MEPE: variants seen among roughly 807,000 people sequenced by gnomAD.
MEPE encodes the protein matrix, extracellular phosphoglycoprotein with ASARM motif (bone).
In MEPE, 7 loss-of-function variants were observed where a neutral mutation model predicts 7.3. The ratio of observed to expected loss-of-function variants is 0.95; its 90% CI spans 0.54 to 1.79. MEPE has a LOEUF of 1.79. Ranked by LOEUF, MEPE falls within the 40% of genes most tolerant of loss-of-function variation. The pLI, the probability that MEPE is intolerant of heterozygous loss-of-function variation, is 0.00. For synonymous variants in MEPE, 214 were observed against 213.1 expected, an observed-to-expected ratio of 1.00 and a Z score of -0.04; for missense variants, 623 against 628.2, an observed-to-expected ratio of 0.99 and a Z score of 0.09.
At chr4:87,827,424 C>A (rs1269538803) in intron 1 of MEPE, among the ~76,000 whole-genome samples, 1 of 152,098 alleles carries the variant, frequency 6.6e-6, no homozygotes, top group Non-Finnish European at 1.5e-5. Context: ...TAAGCTAAGA[C>A]GATATACACC....
chr4:87,831,844 T>C (rs1722607396), upstream of MEPE, among the ~76,000 whole-genome samples: 1 of 152,116 alleles, frequency 6.6e-6, no homozygotes, highest in African/African-American at 2.4e-5. Context: ...ATTTTTCTTA[T>C]TTCTTCTTCC....
chr4:87,843,992 T>C (rs1339638866), intron 3 of MEPE, among the ~76,000 whole-genome samples: 2 of 152,344 alleles, frequency 1.3e-5, no homozygotes, highest in East Asian at 3.9e-4. Flanking sequence ...AGGATTCACT[T>C]AGTATAGTCT....
intron 3 of MEPE, chr4:87,839,974 T>C: frequency 6.5e-7 from 1 of 1,535,442 alleles, no homozygotes; most frequent in Non-Finnish European, 8.7e-7. Flanking sequence ...AGAATCTTCC[T>C]GATCCCCATC....
At chr4:87,836,055 C>T (rs960710124) in intron 2 of MEPE, among the ~76,000 whole-genome samples, 2 of 151,828 alleles carry the variant, frequency 1.3e-5, no homozygotes, top group East Asian at 1.9e-4. Flanking sequence ...GGGAGGGATG[C>T]GTATTTCAAA....
intron 3 of MEPE, among the ~76,000 whole-genome samples, chr4:87,838,938 G>A (rs1031722149): frequency 6.6e-6 from 1 of 152,188 alleles, no homozygotes; most frequent in Non-Finnish European, 1.5e-5. Flanking sequence ...ATGAAACAAT[G>A]CTTTGCCAGG....
chr4:87,823,418 C>T (rs1382500835), intron 1 of MEPE, among the ~76,000 whole-genome samples: 1 of 152,220 alleles, frequency 6.6e-6, no homozygotes, highest in East Asian at 1.9e-4. Flanking sequence ...GTGAGGCTCA[C>T]TAAATATCCC....
At chr4:87,833,694 CT>C (rs1722668899) in intron 1 of MEPE, among the ~76,000 whole-genome samples, 1 of 152,126 alleles carries the variant, frequency 6.6e-6, no homozygotes, top group South Asian at 2.1e-4. Flanking sequence ...GACATGTTGA[CT>C]TTTTTCCAAT....
rs752405870 is a variant in MEPE, at chr4:87,846,062, A to G, written c.1194A>G (p.Glu398=). 1 of 1,614,004 alleles carries G rather than the reference A, an allele frequency of 6.2e-7. No individual in the cohort carries two copies. Among genetic ancestry groups the G allele is most frequent in the Non-Finnish European group, 8.5e-7 (1 of 1,179,956 alleles). Residue 398 remains glutamate (E), a synonymous_variant, in exon 4 of 4, where the codon GAA becomes GAG. Coordinates refer to ENST00000361056, the MANE Select transcript of MEPE (RefSeq NM_020203.6). ...SDAAESTNYN[E]IPKNGKGSTR... The stretch of plus-strand genomic sequence containing the variant: ...CAGCTGAAAGTACCAACTATAATGA[A>G]ATTCCTAAAAATGGCAAAGGCAGTA...
intron 1 of MEPE, among the ~76,000 whole-genome samples, chr4:87,827,260 G>A (rs1722492897): frequency 6.6e-6 from 1 of 152,128 alleles, no homozygotes. Context: ...TTCAAACTAC[G>A]AAAAGTTTTA....
intron 3 of MEPE, chr4:87,840,038 AT>A: frequency 6.5e-7 from 1 of 1,535,352 alleles, no homozygotes; most frequent in Non-Finnish European, 8.7e-7. Flanking sequence ...TGCAGGTGTG[AT>A]ACTCATGGAC....
rs766457667 is a variant in MEPE at position 87,839,950 on chromosome 4, A to G, written c.108+1265A>G. On this transcript the variant is annotated intron_variant, in intron 3 of 3. Transcript: ENST00000361056. The stretch of plus-strand genomic sequence containing the variant: ...AGGCTCCTCAAGCCTCTCTACTACA[A>G]AACTCTGGGTCCCAGAATCTTCCTG... 1.2e-4 allele frequency: 186 copies of G among 1,535,534 alleles called. 4 individuals are homozygous for G. In the South Asian group the frequency reaches 2.2e-3, roughly 18 times the overall value.
chr4:87,823,811 G>T (rs78577063), intron 1 of MEPE, among the ~76,000 whole-genome samples: 10,077 of 151,898 alleles, frequency 0.066, 1,125 homozygotes, highest in African/African-American at 0.23. Flanking sequence ...TGAATCTCGG[G>T]TTAAAAAAAA....
intron 1 of MEPE, among the ~76,000 whole-genome samples, chr4:87,823,454 CAT>C (rs1385519435): frequency 1.3e-5 from 2 of 152,178 alleles, no homozygotes; most frequent in Non-Finnish European, 2.9e-5. Flanking sequence ...ATTATTGTGA[CAT>C]AAATTCTATG....
At chr4:87,840,182 C>T in intron 3 of MEPE, 3 of 1,059,420 alleles carry the variant, frequency 2.8e-6, no homozygotes, top group South Asian at 3.4e-5. Flanking sequence ...AGAGGAAAAA[C>T]CATTTTGGCC....
intron 3 of MEPE, chr4:87,840,053 A>T: frequency 6.5e-7 from 1 of 1,535,044 alleles, no homozygotes. Flanking sequence ...CATGGACCTC[A>T]GGTGCCCATG....
intron 2 of MEPE, chr4:87,837,505 G>C (rs1293420374): frequency 6.6e-6 from 1 of 152,242 alleles, no homozygotes; most frequent in African/African-American, 2.4e-5. Flanking sequence ...CTTAGTGCAA[G>C]CAACAACCTG....
chr4:87,826,048 T>C (rs185151052), intron 1 of MEPE, among the ~76,000 whole-genome samples: 21 of 152,320 alleles, frequency 1.4e-4, no homozygotes, highest in Admixed American at 9.8e-4. Context: ...TAGTATTCCA[T>C]GGTGTACACA....
At chr4:87,843,075 TAA>T (rs1394105017) in intron 3 of MEPE, among the ~76,000 whole-genome samples, 20 of 152,214 alleles carry the variant, frequency 1.3e-4, no homozygotes, top group Non-Finnish European at 2.9e-4. Flanking sequence ...TTTTAGTTAT[TAA>T]GGCTTTTTGC....
intron 1 of MEPE, among the ~76,000 whole-genome samples, chr4:87,822,566 G>T (rs184296570): frequency 6.6e-6 from 1 of 152,314 alleles, no homozygotes; most frequent in African/African-American, 2.4e-5. Context: ...AGCATCACCT[G>T]TATGGTGTCA....
Sources: gnomAD v4.1 joint callset for allele counts (sites outside exome capture counted in the v4.1 genomes callset) on GRCh38, gnomAD v4.1.1 for gene constraint, MANE v1.5 for transcripts, NCBI Gene and HGNC (gene_info 2026-07-23, HGNC 2026-07-21) for gene names.